DPYD: variants seen among roughly 807,000 people sequenced by gnomAD.
DPYD encodes dihydropyrimidine dehydrogenase.
A neutral mutation model predicts 116.2 loss-of-function variants in DPYD; 109 were observed. The ratio of observed to expected loss-of-function variants is 0.94; its 90% confidence interval spans 0.80 to 1.10. The LOEUF is 1.10. Ranked by LOEUF, DPYD falls within the 50% of genes least tolerant of loss-of-function variation. The pLI is 0.00. For synonymous variants in DPYD, 440 were observed against 432.0 expected (o/e 1.02, Z -0.23); for missense variants, 1,302 against 1,254.5 (o/e 1.04, Z -0.57).
At chr1:97,474,855 G>A (rs1677865387) in intron 13 of DPYD, among the ~76,000 whole-genome samples, 1 of 151,776 alleles carries the variant, frequency 6.6e-6, no homozygotes, top group African/African-American at 2.4e-5. Flanking sequence ...ATGCAATTCA[G>A]ACATAAACTC....
intron 1 of DPYD, among the ~76,000 whole-genome samples, chr1:97,899,801 T>C (rs1195886766): frequency 3.3e-5 from 5 of 151,942 alleles, no homozygotes; most frequent in Admixed American, 6.6e-5. Flanking sequence ...GGCTTTAAAG[T>C]AGAAAAAGTT....
chr1:97,867,413 A>T (rs1671441029), intron 2 of DPYD, among the ~76,000 whole-genome samples: 1 of 151,900 alleles, frequency 6.6e-6, no homozygotes. Flanking sequence ...TTTGAAATGA[A>T]GGAAAGATTT....
At chr1:97,365,934 A>G (rs1204036523) in intron 16 of DPYD, among the ~76,000 whole-genome samples, 2 of 152,174 alleles carry the variant, frequency 1.3e-5, no homozygotes, top group Non-Finnish European at 2.9e-5. Context: ...TGCCTGGCCT[A>G]TATATAATGT....
intron 3 of DPYD, among the ~76,000 whole-genome samples, chr1:97,760,641 A>G (rs1380883600): frequency 6.6e-6 from 1 of 152,148 alleles, no homozygotes; most frequent in African/African-American, 2.4e-5. Context: ...TGGGGATCAT[A>G]GAACCTTGGT....
chr1:97,279,603 G>T (rs973385313), intron 18 of DPYD, among the ~76,000 whole-genome samples: 1 of 152,042 alleles, frequency 6.6e-6, no homozygotes, highest in Admixed American at 6.5e-5. Context: ...CTCCGCCTCC[G>T]GAGTTCGAGC....
At chr1:97,600,161 C>A (rs1655160389) in intron 8 of DPYD, among the ~76,000 whole-genome samples, 1 of 152,114 alleles carries the variant, frequency 6.6e-6, no homozygotes, top group South Asian at 2.1e-4. Context: ...CTTTGGTAGA[C>A]AAATAAAACA....
chr1:97,135,182 C>A (rs565209913), intron 20 of DPYD, among the ~76,000 whole-genome samples: 1 of 152,170 alleles, frequency 6.6e-6, no homozygotes, highest in East Asian at 1.9e-4. Flanking sequence ...TAATCCTTAG[C>A]TTTCACTAAA....
At chr1:97,835,556 C>T (rs904674012) in intron 2 of DPYD, among the ~76,000 whole-genome samples, 2 of 151,940 alleles carry the variant, frequency 1.3e-5, no homozygotes, top group Admixed American at 6.6e-5. Context: ...AGTATCCTAC[C>T]TGCTGATAAT....
intron 10 of DPYD, among the ~76,000 whole-genome samples, chr1:97,584,311 C>A (rs1433075483): frequency 6.6e-6 from 1 of 151,906 alleles, no homozygotes; most frequent in Non-Finnish European, 1.5e-5. Flanking sequence ...TGGATATTAG[C>A]CCTTTGTCAG....
In DPYD at chr1:97,790,171, G is replaced by C. The variant is rs182632433; in HGVS notation, c.233+37943C>G. Among the ~76,000 whole-genome samples, 342 of 152,214 alleles carry C rather than the reference G, an allele frequency of 2.2e-3. 2 individuals are homozygous for C. The highest frequency in any genetic ancestry group is 3.9e-3 in the Non-Finnish European group (262 of 68,012). ...CCCCACACTGCTTACCATTTTCTAAGAGCAAACTCTTTCTGGTATTGGAGA... is the reference window on the plus strand; with the variant it reads ...CCCCACACTGCTTACCATTTTCTAACAGCAAACTCTTTCTGGTATTGGAGA... On this transcript the variant is annotated intron_variant, in intron 3 of 22. Coordinates refer to ENST00000370192, the MANE Select transcript of DPYD (RefSeq NM_000110.4).
intron 11 of DPYD, among the ~76,000 whole-genome samples, chr1:97,554,362 G>A (rs1431015509): frequency 6.6e-6 from 1 of 152,014 alleles, no homozygotes; most frequent in Non-Finnish European, 1.5e-5. Flanking sequence ...CAATACAACA[G>A]ATATCATAAT....
At chr1:97,144,329 T>A (rs1231313393) in intron 20 of DPYD, among the ~76,000 whole-genome samples, 3 of 152,166 alleles carry the variant, frequency 2.0e-5, no homozygotes, top group Non-Finnish European at 2.9e-5. Context: ...AGATGTAACA[T>A]GAAACAAATA....
intron 3 of DPYD, among the ~76,000 whole-genome samples, chr1:97,821,983 T>C (rs1668965178): frequency 6.6e-6 from 1 of 152,012 alleles, no homozygotes; most frequent in South Asian, 2.1e-4. Context: ...GTCTCAAATC[T>C]GATTCTTACT....
chr1:97,654,833 G>A (rs1571137231), intron 8 of DPYD, among the ~76,000 whole-genome samples: 2 of 152,268 alleles, frequency 1.3e-5, no homozygotes, highest in South Asian at 4.1e-4. Flanking sequence ...AGTTCCATGT[G>A]GACTGAGCTC....
chr1:97,597,566 G>A (rs753562795), intron 8 of DPYD, among the ~76,000 whole-genome samples: 4 of 152,154 alleles, frequency 2.6e-5, no homozygotes, highest in Non-Finnish European at 4.4e-5. Context: ...AGGTATTGCT[G>A]GGAAAGCCTT....
intron 16 of DPYD, among the ~76,000 whole-genome samples, chr1:97,334,980 G>T (rs1276446574): frequency 1.3e-5 from 2 of 152,162 alleles, no homozygotes; most frequent in African/African-American, 4.8e-5. Flanking sequence ...TTCTGTGTGT[G>T]TTGGGGCAGT....
intron 18 of DPYD, among the ~76,000 whole-genome samples, chr1:97,270,135 T>C (rs1032573129): frequency 6.6e-6 from 1 of 152,102 alleles, no homozygotes; most frequent in Non-Finnish European, 1.5e-5. Flanking sequence ...AAGCACTCTA[T>C]TTGTTAAAGG....
chr1:97,303,443 T>C (rs1002630303), intron 18 of DPYD, among the ~76,000 whole-genome samples: 3 of 151,962 alleles, frequency 2.0e-5, no homozygotes, highest in Non-Finnish European at 4.4e-5. Flanking sequence ...CTGACAACCA[T>C]ATTTGATACA....
At chr1:97,826,712 A>G (rs1042386808) in intron 3 of DPYD, among the ~76,000 whole-genome samples, 1 of 152,262 alleles carries the variant, frequency 6.6e-6, no homozygotes, top group East Asian at 1.9e-4. Flanking sequence ...TCCAAAACAA[A>G]TATTTTACAA....
Sources: gnomAD v4.1 joint callset for allele counts (sites outside exome capture counted in the v4.1 genomes callset) on GRCh38, gnomAD v4.1.1 for gene constraint, MANE v1.5 for transcripts, NCBI Gene and HGNC (gene_info 2026-07-23, HGNC 2026-07-21) for gene names.